TMEM178B: variants seen among roughly 807,000 people sequenced by gnomAD.
TMEM178B encodes the protein transmembrane protein 178B.
TMEM178B carries 5 observed loss-of-function variants against 31.0 expected under a neutral mutation model. The observed-to-expected ratio is 0.16, with a 90% CI of 0.08 to 0.34. TMEM178B has a LOEUF of 0.34. Among genes scored for constraint, TMEM178B ranks in the 10% least tolerant of loss-of-function variants. TMEM178B has a pLI of 1.00. For missense variants in TMEM178B, 275 were observed against 400.3 expected (o/e 0.69, Z 2.67); for synonymous variants, 164 against 164.0 (o/e 1.00, Z 0.00).
chr7:141,429,355 A>G (rs553567078), intron 2 of TMEM178B, among the ~76,000 whole-genome samples: 2 of 151,566 alleles, frequency 1.3e-5, no homozygotes, highest in Non-Finnish European at 3.0e-5. Flanking sequence ...ACAATAGAAT[A>G]TTATTCAGCC....
intron 2 of TMEM178B, among the ~76,000 whole-genome samples, chr7:141,237,561 G>A (rs1337324509): frequency 1.3e-5 from 2 of 152,086 alleles, no homozygotes; most frequent in Admixed American, 6.5e-5. Flanking sequence ...ATAGAAAAGG[G>A]CTGCAAGGAA....
At chr7:141,502,172 TC>T in the TMEM178B span, among the ~76,000 whole-genome samples, 2 of 130,178 alleles carry the variant, frequency 1.5e-5, no homozygotes, top group African/African-American at 9.1e-5. Context: ...AAAAGCATGC[TC>T]GAATATCTCC....
chr7:141,397,536 A>C (rs1800679472), intron 2 of TMEM178B, among the ~76,000 whole-genome samples: 1 of 152,170 alleles, frequency 6.6e-6, no homozygotes, highest in Non-Finnish European at 1.5e-5. Flanking sequence ...TCTGATAGGC[A>C]TCATGCTATG....
At chr7:141,484,705 G>T (rs1243831585), downstream of TMEM178B, among the ~76,000 whole-genome samples, 1 of 152,090 alleles carries the variant, frequency 6.6e-6, no homozygotes. The surrounding 1 kb of genome is among the most constrained non-coding windows in gnomAD (Gnocchi z 4.8). Context: ...GGGACTACAG[G>T]TGCACACCAC....
chr7:141,483,795 G>T (rs1802516929), downstream of TMEM178B, among the ~76,000 whole-genome samples: 1 of 150,492 alleles, frequency 6.6e-6, no homozygotes, highest in Admixed American at 6.6e-5. Context: ...GAGTGCAGTA[G>T]CACGATCTCA....
At chr7:141,104,926 A>G (rs1297437511) in intron 1 of TMEM178B, among the ~76,000 whole-genome samples, 1 of 152,324 alleles carries the variant, frequency 6.6e-6, no homozygotes, top group Non-Finnish European at 1.5e-5. Flanking sequence ...GGGGTTCAAC[A>G]TGGGAGTTTT....
intron 2 of TMEM178B, among the ~76,000 whole-genome samples, chr7:141,258,387 A>C (rs991112666): frequency 2.0e-5 from 3 of 152,098 alleles, no homozygotes; most frequent in African/African-American, 7.2e-5. Flanking sequence ...AAAGTTTACA[A>C]ATTTGTTTTG....
At position 141,074,343 on chromosome 7, in the gene TMEM178B, C is replaced by A. The variant is rs1014523993; in HGVS notation, c.33C>A (p.Gly11=). 30 of 1,535,894 alleles carry A rather than the reference C, an allele frequency of 2.0e-5. No individual in the cohort carries two copies. The highest frequency in any genetic ancestry group is 2.4e-5 in the Non-Finnish European group (27 of 1,146,752). ...CCGGAAGGTTACTGCTCTACACTGG[C>A]CTCTCGCTAGCGCTCTGCGCCCTCG... MAAGRLLLYT[G]LSLALCALGM... is the part of the protein sequence containing the mutation. Residue 11 remains glycine, a synonymous_variant, in exon 1 of 4, where the codon GGC becomes GGA. Coordinates refer to ENST00000565468, the MANE Select transcript of TMEM178B (RefSeq NM_001195278.2). This position sits in a 1 kb window ranked among gnomAD's most constrained non-coding sequence, Gnocchi z 5.1.
chr7:141,255,370 C>T (rs945920884), intron 2 of TMEM178B, among the ~76,000 whole-genome samples: 3 of 152,156 alleles, frequency 2.0e-5, no homozygotes, highest in African/African-American at 7.2e-5. Context: ...TTATTAAAGA[C>T]TTTGCTCAGA....
At chr7:141,243,369 C>T (rs1260661519) in intron 2 of TMEM178B, among the ~76,000 whole-genome samples, 3 of 152,014 alleles carry the variant, frequency 2.0e-5, no homozygotes, top group South Asian at 4.1e-4. Context: ...GCACTTCTGT[C>T]TTTGTAAGGG....
chr7:141,429,315 AC>A (rs1563180257), intron 2 of TMEM178B, among the ~76,000 whole-genome samples: 1 of 84,600 alleles, frequency 1.2e-5, no homozygotes, highest in African/African-American at 6.0e-5. Context: ...TAATACACAC[AC>A]ACACACACAC....
chr7:141,336,651 T>C (rs1799393928), intron 2 of TMEM178B, among the ~76,000 whole-genome samples: 1 of 151,846 alleles, frequency 6.6e-6, no homozygotes. Context: ...TCAAAAATAA[T>C]ATAATTATAT....
intron 2 of TMEM178B, among the ~76,000 whole-genome samples, chr7:141,359,170 G>GA (rs1465584044): frequency 6.6e-6 from 1 of 152,126 alleles, no homozygotes; most frequent in Non-Finnish European, 1.5e-5. Flanking sequence ...AGAAAAAAGG[G>GA]AAAAAATACC....
chr7:141,336,611 A>G (rs1799392623), intron 2 of TMEM178B, among the ~76,000 whole-genome samples: 1 of 152,016 alleles, frequency 6.6e-6, no homozygotes, highest in Non-Finnish European at 1.5e-5. Context: ...TAGTTTTATC[A>G]TAAGGATGAT....
At chr7:141,433,353 G>A (rs955177007) in intron 2 of TMEM178B, among the ~76,000 whole-genome samples, 1 of 152,120 alleles carries the variant, frequency 6.6e-6, no homozygotes, top group Non-Finnish European at 1.5e-5. Context: ...TGAGCCTTTT[G>A]GGGATTCCAC....
the TMEM178B span, among the ~76,000 whole-genome samples, chr7:141,501,230 C>T: frequency 1.3e-5 from 2 of 151,136 alleles, no homozygotes; most frequent in South Asian, 2.1e-4. Flanking sequence ...TAGGTCTCGG[C>T]GGTGCCCTTC....
At chr7:141,252,874 A>G (rs1797858671) in intron 2 of TMEM178B, among the ~76,000 whole-genome samples, 1 of 152,146 alleles carries the variant, frequency 6.6e-6, no homozygotes, top group Non-Finnish European at 1.5e-5. Flanking sequence ...GCTTGGCTGC[A>G]TTTGCCCCAG....
At chr7:141,109,376 G>C (rs966409143) in intron 1 of TMEM178B, among the ~76,000 whole-genome samples, 1 of 152,122 alleles carries the variant, frequency 6.6e-6, no homozygotes, top group Non-Finnish European at 1.5e-5. Context: ...GAGAGAGTAA[G>C]CTGGAAACTC....
rs192454683 is a variant in TMEM178B at position 141,364,027 on chromosome 7, A to C, written c.497-73581A>C. Among the ~76,000 whole-genome samples, 9 of 152,284 alleles carry C rather than the reference A, an allele frequency of 5.9e-5. No homozygotes were observed. In the East Asian group the frequency reaches 1.7e-3, roughly 29 times the overall value. ...TAAGAAGGCTTCATACATCACCTTG[A>C]CTTACTCCTAATATCTGTTTAGGCT... On this transcript the variant is annotated intron_variant, in intron 2 of 3. Transcript: ENST00000565468.
Sources: allele counts gnomAD v4.1 joint callset (sites outside exome capture counted in the v4.1 genomes callset), GRCh38; gene constraint gnomAD v4.1.1; non-coding constraint Gnocchi (gnomAD v3.1); transcripts MANE v1.5; gene names NCBI Gene and HGNC (gene_info 2026-07-23, HGNC 2026-07-21).